CHRM3: variants seen among roughly 807,000 people sequenced by gnomAD.
CHRM3 encodes muscarinic acetylcholine receptor M3.
A neutral mutation model predicts 41.8 loss-of-function variants in CHRM3; 11 were observed. That is an observed-to-expected ratio of 0.26 (90% CI 0.17 to 0.44). The LOEUF (loss-of-function observed/expected upper bound fraction) is 0.44, where lower values mean the gene tolerates loss of function less well. CHRM3 is among the 20% of genes least tolerant of loss of function. The probability of loss-of-function intolerance (pLI) is 1.00; values close to 1 mark genes in which losing one functional copy is unlikely to be tolerated. For synonymous variants in CHRM3, 297 were observed against 301.4 expected, an observed-to-expected ratio of 0.99 and a Z score of 0.15; for missense variants, 571 against 745.4, an observed-to-expected ratio of 0.77 and a Z score of 2.72.
chr1:239,478,436 C>A (rs1029563232), intron 1 of CHRM3, among the ~76,000 whole-genome samples: 3 of 151,994 alleles, frequency 2.0e-5, no homozygotes, highest in Non-Finnish European at 4.4e-5. Flanking sequence ...AGACACAAAC[C>A]TGGATATAGT....
intron 5 of CHRM3, among the ~76,000 whole-genome samples, chr1:239,744,480 G>A (rs1033499474): frequency 6.6e-6 from 1 of 152,018 alleles, no homozygotes; most frequent in African/African-American, 2.4e-5. Flanking sequence ...TTGAGGGAGC[G>A]GCCGGTGGCT....
chr1:239,830,346 T>C (rs1672793821), intron 6 of CHRM3, among the ~76,000 whole-genome samples: 1 of 152,190 alleles, frequency 6.6e-6, no homozygotes, highest in South Asian at 2.1e-4. Flanking sequence ...AAGCGGTGTA[T>C]GTGAAATTTA....
intron 3 of CHRM3, among the ~76,000 whole-genome samples, chr1:239,578,180 G>A (rs1662550821): frequency 1.3e-5 from 2 of 152,184 alleles, no homozygotes; most frequent in South Asian, 2.1e-4. Context: ...AGTTAGGTCA[G>A]TCAGTCAGTT....
chr1:239,860,390 A>G lies in CHRM3; in HGVS notation c.-20+33012A>G, dbSNP rs907350218. On this transcript the variant is annotated intron_variant, in intron 6 of 6. Coordinates refer to ENST00000676153, the MANE Select transcript of CHRM3 (RefSeq NM_001375978.1). ...CAGCAAACATGGTATAAAAGCATAC[A>G]TGCATTTTAAAATTAAAATTATTAT... Among the ~76,000 whole-genome samples the G allele has an allele frequency of 2.6e-5, 4 of 152,208 alleles. No individual in the cohort carries two copies. In the East Asian group the frequency reaches 7.7e-4, roughly 29 times the overall value.
At chr1:239,478,611 T>C (rs1666616622) in intron 1 of CHRM3, among the ~76,000 whole-genome samples, 1 of 152,104 alleles carries the variant, frequency 6.6e-6, no homozygotes, top group African/African-American at 2.4e-5. Context: ...GACTCAAAAA[T>C]ATGATGTAAG....
At chr1:239,634,537 ATCT>A (rs1670254838) in intron 4 of CHRM3, among the ~76,000 whole-genome samples, 1 of 151,916 alleles carries the variant, frequency 6.6e-6, no homozygotes, top group Non-Finnish European at 1.5e-5. Flanking sequence ...AATTCTGAGC[ATCT>A]TCTTTTCTTT....
chr1:239,709,696 T>A (rs1204945656), intron 5 of CHRM3, among the ~76,000 whole-genome samples: 1 of 152,142 alleles, frequency 6.6e-6, no homozygotes, highest in Non-Finnish European at 1.5e-5. Flanking sequence ...CAGGGACAGG[T>A]TTTTGAGAGT....
At chr1:239,476,463 CAAA>C (rs71567246) in intron 1 of CHRM3, among the ~76,000 whole-genome samples, 3 of 117,694 alleles carry the variant, frequency 2.5e-5, no homozygotes, top group Admixed American at 8.6e-5. Flanking sequence ...AGACTCCATC[CAAA>C]AAAAAAAAAA....
chr1:239,535,173 G>A (rs920206652), intron 2 of CHRM3, among the ~76,000 whole-genome samples: 2 of 152,082 alleles, frequency 1.3e-5, no homozygotes, highest in African/African-American at 4.8e-5. Flanking sequence ...AAGGAAGGGG[G>A]ATGGACAAAG....
chr1:239,888,340 A>C (rs1226234504), intron 6 of CHRM3, among the ~76,000 whole-genome samples: 2 of 150,572 alleles, frequency 1.3e-5, no homozygotes, highest in Non-Finnish European at 3.0e-5. Context: ...TGCATTCCAC[A>C]CTCCAGCCTG....
rs115463421 is a variant in CHRM3, at chr1:239,486,425, C to T, written c.-520-6284C>T. The stretch of plus-strand genomic sequence containing the variant: ...TCCCTTTTACTTTCAGCCATCATCC[C>T]CTGATGCCTGCCCATACACACAAGA... On this transcript the variant is annotated intron_variant, in intron 1 of 6. Coordinates refer to ENST00000676153, the MANE Select transcript of CHRM3 (RefSeq NM_001375978.1). Among the ~76,000 whole-genome samples the T allele has an allele frequency of 6.6e-3, 1,000 of 152,234 alleles. 13 individuals are homozygous for T. The highest frequency in any genetic ancestry group is 0.022 in the African/African-American group (930 of 41,538).
chr1:239,788,013 G>A (rs991905895), intron 5 of CHRM3, among the ~76,000 whole-genome samples: 1 of 152,158 alleles, frequency 6.6e-6, no homozygotes, highest in African/African-American at 2.4e-5. Flanking sequence ...CAAGGCAGGA[G>A]GATTGTTTGA....
chr1:239,492,610 C>T (rs1004646790), intron 1 of CHRM3, 99 bp from the exon 2 acceptor site: 4 of 152,190 alleles, frequency 2.6e-5, no homozygotes, highest in Non-Finnish European at 5.9e-5. Flanking sequence ...TCTCACTCTT[C>T]CCACACACTC....
chr1:239,895,225 C>G (rs540136342), intron 6 of CHRM3, among the ~76,000 whole-genome samples: 1 of 152,312 alleles, frequency 6.6e-6, no homozygotes, highest in South Asian at 2.1e-4. Flanking sequence ...TACTTCCTTT[C>G]TATGCTGAAA....
intron 6 of CHRM3, among the ~76,000 whole-genome samples, chr1:239,883,851 A>G (rs1346006660): frequency 6.6e-6 from 1 of 152,258 alleles, no homozygotes; most frequent in Non-Finnish European, 1.5e-5. Context: ...GTCTATATTT[A>G]TCCCCTACTC....
In CHRM3 at chr1:239,762,179, T is replaced by A. The variant is rs146346883; in HGVS notation, c.-146-65073T>A. Among the ~76,000 whole-genome samples the A allele has an allele frequency of 3.0e-3, 454 of 152,316 alleles. 1 individual carries two copies. Among genetic ancestry groups the A allele is most frequent in the Non-Finnish European group, 5.5e-3 (376 of 68,030 alleles). On this transcript the variant is annotated intron_variant, in intron 5 of 6. Transcript: ENST00000676153. ...TCATGACCAGAGCAGAAATCTAGCT[T>A]ACCCTTTTCATCTCCTTTAATACTA...
chr1:239,631,956 G>A (rs1175201543), intron 3 of CHRM3, among the ~76,000 whole-genome samples: 1 of 152,134 alleles, frequency 6.6e-6, no homozygotes, highest in Non-Finnish European at 1.5e-5. Context: ...GCTTAGGCAG[G>A]CAGGAGGTGA....
At chr1:239,773,177 G>A (rs1012514644) in intron 5 of CHRM3, among the ~76,000 whole-genome samples, 3 of 152,160 alleles carry the variant, frequency 2.0e-5, no homozygotes, top group African/African-American at 7.2e-5. Flanking sequence ...CTAATGATCT[G>A]TAAGAGGGGA....
intron 5 of CHRM3, among the ~76,000 whole-genome samples, chr1:239,722,846 A>G (rs968873384): frequency 7.2e-5 from 11 of 151,872 alleles, no homozygotes; most frequent in African/African-American, 2.7e-4. Context: ...TATTTTTTTC[A>G]TTGTTAACAC....
Sources: gnomAD v4.1 joint callset for allele counts (sites outside exome capture counted in the v4.1 genomes callset) on GRCh38, gnomAD v4.1.1 for gene constraint, MANE v1.5 for transcripts, NCBI Gene and HGNC (gene_info 2026-07-23, HGNC 2026-07-21) for gene names.